SLC28A3: variants seen among roughly 807,000 people sequenced by gnomAD.
SLC28A3 encodes solute carrier family 28 member 3, also known as concentrative Na(+)-nucleoside cotransporter 3.
SLC28A3 carries 68 observed loss-of-function variants against 84.2 expected under a neutral mutation model. That is an observed-to-expected ratio of 0.81 (90% CI 0.66 to 0.99). The LOEUF is 0.99. Ranked by LOEUF, SLC28A3 falls within the 50% of genes least tolerant of loss-of-function variation. The pLI is 0.00. For synonymous variants in SLC28A3, 267 were observed against 303.6 expected (o/e 0.88, Z 1.25); for missense variants, 712 against 841.5 (o/e 0.85, Z 1.90).
At chr9:84,313,334 G>C in intron 2 of SLC28A3, 25 bp downstream of exon 2, 1 of 1,605,206 alleles carries the variant, frequency 6.2e-7, no homozygotes, top group African/African-American at 1.3e-5. Context: ...TGGTACTAGA[G>C]TCATGCACCA....
chr9:84,286,226 G>T, intron 12 of SLC28A3, 115 bp from the exon 13 acceptor site: 1 of 972,564 alleles, frequency 1.0e-6, no homozygotes, highest in Non-Finnish European at 1.5e-6. Flanking sequence ...TAAGGCCCCT[G>T]CCTTGCTCAA....
upstream of SLC28A3, chr9:84,340,823 GC>G: frequency 6.9e-6 from 4 of 578,032 alleles, no homozygotes; most frequent in Non-Finnish European, 1.2e-5. Context: ...GGGCAGAGAG[GC>G]GGGCGGGTTG....
chr9:84,288,395 C>T (rs1377480298), intron 11 of SLC28A3, among the ~76,000 whole-genome samples: 5 of 152,140 alleles, frequency 3.3e-5, no homozygotes, highest in Non-Finnish European at 7.4e-5. Context: ...GACATTTGTG[C>T]TAATTGACCA....
At chr9:84,344,039 T>C (rs1827210653), upstream of SLC28A3, among the ~76,000 whole-genome samples, 2 of 152,100 alleles carry the variant, frequency 1.3e-5, no homozygotes, top group South Asian at 4.1e-4. Context: ...AGTAGCTGAG[T>C]TCTCTGTATC....
At chr9:84,322,982 C>A (rs1451815924) in intron 1 of SLC28A3, among the ~76,000 whole-genome samples, 1 of 152,168 alleles carries the variant, frequency 6.6e-6, no homozygotes, top group East Asian at 1.9e-4. Context: ...GACAGCCATG[C>A]TCTCCTGGGC....
rs1564158437 is a variant in SLC28A3 at position 84,302,326 on chromosome 9, A to G, written c.398T>C (p.Val133Ala). The change falls in exon 5 of 18, where the codon GTG (valine) becomes GCG (alanine). Residue 133 changes from valine to alanine, a missense_variant. Physicochemically the swap from Val to Ala is moderately conservative, Grantham distance 64 (BLOSUM62 0). Transcript: ENST00000376238. ...AAAGAAGATGGCAGCCACGGTGATC[A>G]CAAAAAGAGGAAGGGCTCTGTGAAA... ...LNFHRALPLFVITVAAIFFVV... is the reference protein window; with the variant it reads ...LNFHRALPLFAITVAAIFFVV... 6.2e-7 allele frequency: 1 copy of G among 1,614,170 alleles called. No homozygotes were observed. Among genetic ancestry groups the G allele is most frequent in the East Asian group, 2.2e-5 (1 of 44,864 alleles).
At chr9:84,292,614 G>A in intron 10 of SLC28A3, 54 bp downstream of exon 10, 1 of 1,432,482 alleles carries the variant, frequency 7.0e-7, no homozygotes, top group South Asian at 1.2e-5. Flanking sequence ...TGGCTTTTTG[G>A]AAAGAGACGA....
At chr9:84,360,744 C>CT in the SLC28A3 span, among the ~76,000 whole-genome samples, 2 of 151,452 alleles carry the variant, frequency 1.3e-5, no homozygotes, top group South Asian at 4.2e-4. Context: ...ATAGTGAGAC[C>CT]TTGTGTCTAC....
chr9:84,314,934 G>T (rs182806284), intron 1 of SLC28A3, among the ~76,000 whole-genome samples: 209 of 152,228 alleles, frequency 1.4e-3, no homozygotes, highest in Admixed American at 2.5e-3. Flanking sequence ...AACATTAGCT[G>T]GGCGTGGTGG....
At chr9:84,295,458 T>G (rs12345388) in intron 8 of SLC28A3, among the ~76,000 whole-genome samples, 16,366 of 151,878 alleles carry the variant, frequency 0.11, 2,040 homozygotes, top group African/African-American at 0.29. Context: ...GGTGGCACAC[T>G]CATGTAATCC....
chr9:84,351,297 G>A, the SLC28A3 span, among the ~76,000 whole-genome samples: 2 of 152,070 alleles, frequency 1.3e-5, no homozygotes, highest in Admixed American at 1.3e-4. Flanking sequence ...TTGTATATGA[G>A]GTCTCTTGTT....
chr9:84,339,947 T>G (rs1217219125), intron 1 of SLC28A3, among the ~76,000 whole-genome samples: 2 of 152,218 alleles, frequency 1.3e-5, no homozygotes, highest in Non-Finnish European at 2.9e-5. Context: ...AGAGCGCCCA[T>G]GCTGAGTGTC....
At position 84,340,116 on chromosome 9, in the gene SLC28A3, G is replaced by T. The variant is rs188465971; in HGVS notation, c.60+458C>A. On this transcript the variant is annotated intron_variant, in intron 1 of 17. Coordinates refer to ENST00000376238, the MANE Select transcript of SLC28A3 (RefSeq NM_001199633.2). ...AATCACTCAGTGAGTTTTGGTTGAT[G>T]AAGTGAGACTGATTTGCGTAATCCA... Among the ~76,000 whole-genome samples, 17 of 152,314 alleles carry T rather than the reference G, an allele frequency of 1.1e-4. No individual in the cohort carries two copies. The East Asian group carries it at 3.3e-3, about 29-fold the overall frequency.
intron 8 of SLC28A3, among the ~76,000 whole-genome samples, chr9:84,295,081 C>G (rs1015264875): frequency 1.3e-5 from 2 of 152,126 alleles, no homozygotes; most frequent in Non-Finnish European, 2.9e-5. Flanking sequence ...CTCAATAAAC[C>G]CTATGTCTCA....
In SLC28A3 at chr9:84,275,800, C is replaced by T. The variant is rs1329957512; in HGVS notation, c.*2418G>A. The T allele has an allele frequency of 6.6e-6, 1 of 152,130 alleles. No homozygotes were observed. Among genetic ancestry groups the T allele is most frequent in the African/African-American group, 2.4e-5 (1 of 41,410 alleles). The allele number at this position is 152,130 out of a possible 1,614,324, so 9.4% of individuals were successfully genotyped here. On this transcript the variant is annotated 3_prime_UTR_variant, in exon 18 of 18. Transcript: ENST00000376238. Reference sequence around the variant, plus strand: ...TATAATATAGCTCAGGAATAACACCCCCTTTCTCAGTTCAAGGATGCACAG... The same window carrying T: ...TATAATATAGCTCAGGAATAACACCTCCTTTCTCAGTTCAAGGATGCACAG...
At chr9:84,321,366 C>T (rs147026090) in intron 1 of SLC28A3, among the ~76,000 whole-genome samples, 1 of 151,990 alleles carries the variant, frequency 6.6e-6, no homozygotes, top group Non-Finnish European at 1.5e-5. Flanking sequence ...AATGCTTTCA[C>T]AATGGGCACA....
intron 1 of SLC28A3, among the ~76,000 whole-genome samples, chr9:84,317,680 C>T (rs1170817338): frequency 1.3e-5 from 2 of 152,148 alleles, no homozygotes; most frequent in East Asian, 3.9e-4. Flanking sequence ...GAGCAAATTG[C>T]ATGAGTGGTC....
At position 84,275,949 on chromosome 9, in the gene SLC28A3, A is replaced by G. The variant is rs2117988082; in HGVS notation, c.*2269T>C. The G allele has an allele frequency of 6.6e-6, 1 of 152,308 alleles. No individual in the cohort carries two copies. Among genetic ancestry groups the G allele is most frequent in the African/African-American group, 2.4e-5 (1 of 41,554 alleles). 9.4% of individuals were successfully genotyped at this position (152,308 alleles called of 1,614,324 possible). On this transcript the variant is annotated 3_prime_UTR_variant, in exon 18 of 18. Coordinates refer to ENST00000376238, the MANE Select transcript of SLC28A3 (RefSeq NM_001199633.2). ...ATTAAGACAACATATTTCTCCAAAA[A>G]CCAGTCTGACATCTTATAATACCAG...
At chr9:84,279,229 T>C in intron 17 of SLC28A3, 36 bp downstream of exon 17, 1 of 1,557,100 alleles carries the variant, frequency 6.4e-7, no homozygotes, top group Non-Finnish European at 8.7e-7. Context: ...TGATTATTAA[T>C]GGAGTATAAA....
Sources: allele counts gnomAD v4.1 joint callset (sites outside exome capture counted in the v4.1 genomes callset), GRCh38; gene constraint gnomAD v4.1.1; transcripts MANE v1.5; gene names NCBI Gene and HGNC (gene_info 2026-07-23, HGNC 2026-07-21).